STK3: variants seen among roughly 807,000 people sequenced by gnomAD.
The protein encoded by STK3 is serine/threonine kinase 3.
A neutral mutation model predicts 58.0 loss-of-function variants in STK3; 41 were observed. The ratio of observed to expected loss-of-function variants is 0.71; its 90% CI spans 0.55 to 0.92. The LOEUF (loss-of-function observed/expected upper bound fraction) is 0.92, where lower values mean the gene tolerates loss of function less well. Ranked by LOEUF, STK3 falls within the 40% of genes least tolerant of loss-of-function variation. The pLI is 0.00. For synonymous variants in STK3, 170 were observed against 191.0 expected, an observed-to-expected ratio of 0.89 and a Z score of 0.91; for missense variants, 479 against 602.7, an observed-to-expected ratio of 0.79 and a Z score of 2.15.
chr8:98,553,681 C>A (rs562042808), intron 8 of STK3, among the ~76,000 whole-genome samples: 1 of 151,994 alleles, frequency 6.6e-6, no homozygotes, highest in Non-Finnish European at 1.5e-5. Flanking sequence ...AATTCTCTTT[C>A]GGCTGGGCAT....
intron 3 of STK3, among the ~76,000 whole-genome samples, chr8:98,433,038 C>G (rs952983108): frequency 1.3e-5 from 2 of 152,126 alleles, no homozygotes; most frequent in African/African-American, 4.8e-5. Flanking sequence ...AAGTTGGGGA[C>G]CAGATTTCCT....
intron 3 of STK3, chr8:98,429,152 C>T (rs762794142): frequency 6.2e-7 from 1 of 1,613,554 alleles, no homozygotes; most frequent in South Asian, 1.1e-5. Context: ...AGCTGACTGC[C>T]TCTGCCTGCA....
At chr8:98,508,162 G>GAAGTAGACTGCACTACCCTAGTATTT (rs1824238503) in intron 10 of STK3, among the ~76,000 whole-genome samples, 1 of 152,052 alleles carries the variant, frequency 6.6e-6, no homozygotes, top group Non-Finnish European at 1.5e-5. Flanking sequence ...TAGTATATAG[G>GAAGTAGACTGCACTACCCTAGTATTT]AAGTAGACTG....
chr8:98,836,976 A>C (rs1255318254), intron 3 of STK3, among the ~76,000 whole-genome samples: 2 of 152,244 alleles, frequency 1.3e-5, no homozygotes, highest in African/African-American at 4.8e-5. Context: ...ATATCATTAC[A>C]TATCCATGTG....
chr8:98,626,586 G>C (rs1479159515), intron 6 of STK3, among the ~76,000 whole-genome samples: 1 of 152,176 alleles, frequency 6.6e-6, no homozygotes, highest in Non-Finnish European at 1.5e-5. Flanking sequence ...GGGTAAGAAG[G>C]GGACTGAGAT....
intron 3 of STK3, among the ~76,000 whole-genome samples, chr8:98,393,955 A>G (rs1817872236): frequency 1.3e-5 from 2 of 152,224 alleles, no homozygotes; most frequent in Admixed American, 1.3e-4. Flanking sequence ...TAGCCACTGT[A>G]GAGGCTGAAG....
At chr8:98,722,116 A>G (rs1410015604) in intron 4 of STK3, among the ~76,000 whole-genome samples, 1 of 152,154 alleles carries the variant, frequency 6.6e-6, no homozygotes, top group Non-Finnish European at 1.5e-5. Context: ...GTAGCTCACT[A>G]TCCAGAGAAA....
intron 6 of STK3, among the ~76,000 whole-genome samples, chr8:98,701,012 T>C (rs771473802): frequency 2.0e-5 from 3 of 151,968 alleles, no homozygotes; most frequent in African/African-American, 4.8e-5. Context: ...AGGAAAAAAA[T>C]ACAAAAATTT....
At chr8:98,494,749 T>TGGTTTCAAGTGCCAAGAAAGGC (rs1822996274) in intron 10 of STK3, among the ~76,000 whole-genome samples, 1 of 150,876 alleles carries the variant, frequency 6.6e-6, no homozygotes, top group African/African-American at 2.4e-5. Context: ...AAACCAATCT[T>TGGTTTCAAGTGCCAAGAAAGGC]AAACAGTGCC....
intron 1 of STK3, among the ~76,000 whole-genome samples, chr8:98,822,888 C>T (rs892259741): frequency 8.5e-5 from 13 of 152,278 alleles, no homozygotes; most frequent in Admixed American, 2.6e-4. Flanking sequence ...ATGAGCTGGG[C>T]GTGGTGGCGC....
At chr8:98,685,923 T>C (rs762214867) in intron 6 of STK3, among the ~76,000 whole-genome samples, 1 of 152,142 alleles carries the variant, frequency 6.6e-6, no homozygotes, top group Admixed American at 6.5e-5. Context: ...GTAAAGTATG[T>C]AATGACAAAA....
At chr8:98,616,757 G>A (rs1456430369) in intron 6 of STK3, among the ~76,000 whole-genome samples, 3 of 151,712 alleles carry the variant, frequency 2.0e-5, no homozygotes, top group Non-Finnish European at 4.4e-5. Context: ...AACAAGAAGA[G>A]CTAACTATAC....
chr8:98,416,089 G>C (rs1338515217), intron 3 of STK3, among the ~76,000 whole-genome samples: 3 of 152,184 alleles, frequency 2.0e-5, no homozygotes, highest in African/African-American at 7.2e-5. Context: ...TTTCACACAA[G>C]CTGGGCCATT....
chr8:98,636,524 CA>C (rs1176788031), intron 6 of STK3, among the ~76,000 whole-genome samples: 2 of 152,000 alleles, frequency 1.3e-5, no homozygotes, highest in African/African-American at 4.8e-5. Context: ...GTGGAAAAAC[CA>C]AACATTAAAT....
chr8:98,829,892 T>C (rs984711011), upstream of STK3, among the ~76,000 whole-genome samples: 1 of 151,984 alleles, frequency 6.6e-6, no homozygotes, highest in African/African-American at 2.4e-5. Context: ...GATTGAAAAC[T>C]GGTAAGGAAG....
At chr8:98,746,331 T>C (rs984814640) in intron 4 of STK3, among the ~76,000 whole-genome samples, 1 of 152,072 alleles carries the variant, frequency 6.6e-6, no homozygotes, top group African/African-American at 2.4e-5. Context: ...AGAAACAATA[T>C]AAAATAGAAA....
chr8:98,645,071 T>C (rs964146811), intron 6 of STK3, among the ~76,000 whole-genome samples: 6 of 152,220 alleles, frequency 3.9e-5, no homozygotes, highest in Non-Finnish European at 1.5e-5. Context: ...AGAACAGTTA[T>C]TAGTACAACC....
intron 3 of STK3, among the ~76,000 whole-genome samples, chr8:98,834,438 A>C (rs1170118821): frequency 6.6e-6 from 1 of 152,228 alleles, no homozygotes; most frequent in Non-Finnish European, 1.5e-5. Context: ...AAATGGGGAA[A>C]TTGTAATTAG....
intron 6 of STK3, among the ~76,000 whole-genome samples, chr8:98,660,534 T>C (rs147917738): frequency 1.3e-5 from 2 of 152,220 alleles, no homozygotes; most frequent in Admixed American, 6.5e-5. Context: ...ATGTATGTTA[T>C]GTGTTACAAC....
Sources: gnomAD v4.1 joint callset for allele counts (sites outside exome capture counted in the v4.1 genomes callset) on GRCh38, gnomAD v4.1.1 for gene constraint, MANE v1.5 for transcripts, NCBI Gene and HGNC (gene_info 2026-07-23, HGNC 2026-07-21) for gene names.